Variants in INTU observed in about 807,000 individuals in gnomAD.
INTU encodes the protein protein inturned.
In INTU, 68 loss-of-function variants were observed where a neutral mutation model predicts 100.5. The ratio of observed to expected loss-of-function variants is 0.68; its 90% CI spans 0.56 to 0.83. INTU has a LOEUF of 0.83. INTU is among the 40% of genes least tolerant of loss of function. INTU has a pLI of 0.00. For synonymous variants in INTU, 357 were observed against 395.7 expected, an observed-to-expected ratio of 0.90 and a Z score of 1.16; for missense variants, 1,071 against 1,114.7, an observed-to-expected ratio of 0.96 and a Z score of 0.56.
rs763826073 is a variant in INTU, at chr4:127,706,680, T to A, written c.1982T>A (p.Leu661His). The A allele has an allele frequency of 6.2e-7, 1 of 1,614,090 alleles. No homozygotes were observed. Among genetic ancestry groups the A allele is most frequent in the Non-Finnish European group, 8.5e-7 (1 of 1,179,982 alleles). ...TGTTTGTCTTGTGCTGACTGGTTCC[T>A]TACTGGATCACGTGAAAAAACAGAT... is the stretch of plus-strand genomic sequence containing the variant. ...VPCLSCADWF[L>H]TGSREKTDSL... Residue 661 changes from leucine to histidine, a missense_variant, in exon 12 of 16, where the codon CTT (leucine) becomes CAT (histidine). Physicochemically the swap from Leu to His is moderately conservative, Grantham distance 99. Transcript: ENST00000335251.
At chr4:127,646,682 T>A (rs532608222) in intron 2 of INTU, among the ~76,000 whole-genome samples, 1 of 152,260 alleles carries the variant, frequency 6.6e-6, no homozygotes, top group East Asian at 1.9e-4. Flanking sequence ...AGGATAAATG[T>A]CTGATTTTTC....
chr4:127,691,088 A>G (rs568729329), intron 8 of INTU, among the ~76,000 whole-genome samples: 21 of 152,152 alleles, frequency 1.4e-4, no homozygotes, highest in Non-Finnish European at 2.4e-4. Flanking sequence ...CCAAAATGTT[A>G]TATAGTTGTA....
intron 6 of INTU, among the ~76,000 whole-genome samples, chr4:127,680,937 A>G (rs1729508896): frequency 6.6e-6 from 1 of 152,072 alleles, no homozygotes; most frequent in Non-Finnish European, 1.5e-5. Context: ...CAAAAATCAC[A>G]AGCATTCTTA....
chr4:127,708,431 C>T, intron 12 of INTU, 140 bp from the exon 13 acceptor site: 1 of 574,002 alleles, frequency 1.7e-6, no homozygotes, highest in South Asian at 2.1e-5. Flanking sequence ...CCAAGAGGTA[C>T]AAGTTAGCAT....
intron 2 of INTU, among the ~76,000 whole-genome samples, chr4:127,651,912 T>C (rs2126187058): frequency 6.6e-6 from 1 of 151,250 alleles, no homozygotes; most frequent in Non-Finnish European, 1.5e-5. Flanking sequence ...TGGTTTGTAG[T>C]TCTCCTTGAA....
rs75170484 is a variant in INTU, at chr4:127,658,453, G to A, written c.768+1732G>A. ...TGGGGAGGTCCAACAGAGGGTACTA[G>A]GGTACTTCAGGGTGCTCAGACAGCA... On this transcript the variant is annotated intron_variant, in intron 3 of 15. Coordinates refer to ENST00000335251, the MANE Select transcript of INTU (RefSeq NM_015693.4). Among the ~76,000 whole-genome samples the A allele has an allele frequency of 5.3e-3, 800 of 152,320 alleles. 11 individuals are homozygous for A. The highest frequency in any genetic ancestry group is 0.019 in the African/African-American group (771 of 41,570).
chr4:127,668,421 T>C (rs1001407883), intron 4 of INTU, among the ~76,000 whole-genome samples: 1 of 151,972 alleles, frequency 6.6e-6, no homozygotes, highest in African/African-American at 2.4e-5. Flanking sequence ...TAGTTTGTGG[T>C]ATACACAGTG....
intron 2 of INTU, among the ~76,000 whole-genome samples, chr4:127,654,807 C>T: frequency 1.4e-5 from 2 of 146,526 alleles, no homozygotes; most frequent in East Asian, 2.0e-4. Flanking sequence ...GGATAATATC[C>T]TGCAGAGTGT....
chr4:127,674,558 GT>G (rs1227601186), intron 6 of INTU, among the ~76,000 whole-genome samples: 2 of 152,154 alleles, frequency 1.3e-5, no homozygotes, highest in Non-Finnish European at 2.9e-5. Flanking sequence ...ACTGTTGGAG[GT>G]TTTGGAGAAT....
At chr4:127,650,653 C>A (rs903368287) in intron 2 of INTU, among the ~76,000 whole-genome samples, 1 of 151,708 alleles carries the variant, frequency 6.6e-6, no homozygotes, top group African/African-American at 2.4e-5. Context: ...CAAGTCTTTG[C>A]CATTGTGAAT....
chr4:127,697,263 C>T (rs563164867), intron 8 of INTU, among the ~76,000 whole-genome samples: 5 of 152,266 alleles, frequency 3.3e-5, no homozygotes, highest in Admixed American at 1.3e-4. Context: ...AAAGAAATTC[C>T]GTGACCATTC....
At position 127,682,334 on chromosome 4, in the gene INTU, G is replaced by A. The variant is rs553589459; in HGVS notation, c.1182-2075G>A. Among the ~76,000 whole-genome samples the A allele has an allele frequency of 1.5e-4, 23 of 152,094 alleles. No individual in the cohort carries two copies. The East Asian group carries it at 4.2e-3, about 28-fold the overall frequency. ...GTTTATTGCAGCACTATTCACAATA[G>A]CAAAGACTTGGAACCAACCCAAATG... On this transcript the variant is annotated intron_variant, in intron 6 of 15. Coordinates refer to ENST00000335251, the MANE Select transcript of INTU (RefSeq NM_015693.4).
rs991812755 is a variant in INTU, at chr4:127,633,666, C to G, written c.146+486C>G. 2.0e-5 allele frequency among the ~76,000 whole-genome samples: 3 copies of G among 152,144 alleles called. No homozygotes were observed. In the East Asian group the frequency reaches 5.8e-4, roughly 29 times the overall value. On this transcript the variant is annotated intron_variant, in intron 1 of 15. Transcript: ENST00000335251. The stretch of plus-strand genomic sequence containing the variant: ...AATAGCTATATAACAGAAGGAACGC[C>G]CACCCATAGTCTCACCATCAAGGAC...
intron 2 of INTU, among the ~76,000 whole-genome samples, chr4:127,655,317 A>T (rs1349549322): frequency 6.6e-6 from 1 of 152,038 alleles, no homozygotes; most frequent in Non-Finnish European, 1.5e-5. Context: ...TAGAGTTTCT[A>T]GTTTTTCTGT....
In INTU at chr4:127,687,802, T is replaced by G. The variant is rs753443957; in HGVS notation, c.1384T>G (p.Ser462Ala). 8 of 1,612,204 alleles carry G rather than the reference T, an allele frequency of 5.0e-6. No homozygotes were observed. The African/African-American group carries it at 9.3e-5, about 19-fold the overall frequency. The stretch of plus-strand genomic sequence containing the variant: ...TCCCAGTGCTCAGCAGTACGATGCT[T>G]CCAGTGCAGTACTTTTAGACAACCT... Reference protein sequence around the residue: ...ASPSAQQYDASSAVLLDNLPG... With the variant: ...ASPSAQQYDAASAVLLDNLPG... Residue 462 changes from serine (S) to alanine (A), a missense_variant, in exon 8 of 16, where the codon TCC becomes GCC. Transcript: ENST00000335251.
At chr4:127,684,247 A>C (rs1180779977) in intron 6 of INTU, among the ~76,000 whole-genome samples, 162 bp from the exon 7 acceptor site, 2 of 152,182 alleles carry the variant, frequency 1.3e-5, no homozygotes, top group African/African-American at 4.8e-5. Context: ...GAATAAAGTG[A>C]TCAATGGTCA....
intron 3 of INTU, among the ~76,000 whole-genome samples, chr4:127,661,222 G>T (rs1482708903): frequency 6.6e-6 from 1 of 152,078 alleles, no homozygotes; most frequent in Non-Finnish European, 1.5e-5. Flanking sequence ...GATGTTGTTT[G>T]CCAAGTATAA....
chr4:127,663,832 G>C (rs1728582680), intron 4 of INTU, among the ~76,000 whole-genome samples: 1 of 152,112 alleles, frequency 6.6e-6, no homozygotes, highest in Non-Finnish European at 1.5e-5. Context: ...AAAGAAAAAA[G>C]AGGAAGGTAT....
chr4:127,643,816 C>G lies in INTU; in HGVS notation c.442C>G (p.Gln148Glu). ...PVSILKHQSN[Q>E]KTGVIVQQRY... ...ATCCATTCTAAAGCATCAGTCCAAT[C>G]AGAAGACAGGAGTCATTGTCCAACA... Residue 148 changes from glutamine (Q) to glutamate (E), a missense_variant, in exon 2 of 16, where the codon CAG becomes GAG. Gln to Glu is a conservative substitution (Grantham distance 29, BLOSUM62 2). Coordinates refer to ENST00000335251, the MANE Select transcript of INTU (RefSeq NM_015693.4). The G allele has an allele frequency of 6.2e-7, 1 of 1,614,008 alleles. No homozygotes were observed. The highest frequency in any genetic ancestry group is 8.5e-7 in the Non-Finnish European group (1 of 1,179,994).
Sources: gnomAD v4.1 joint callset for allele counts (sites outside exome capture counted in the v4.1 genomes callset) on GRCh38, gnomAD v4.1.1 for gene constraint, MANE v1.5 for transcripts, NCBI Gene and HGNC (gene_info 2026-07-23, HGNC 2026-07-21) for gene names.